Variants in WWOX observed in about 807,000 individuals in gnomAD.
WWOX encodes the protein WW domain containing oxidoreductase.
WWOX carries 69 observed loss-of-function variants against 46.2 expected under a neutral mutation model. That is an observed-to-expected ratio of 1.49 (90% CI 1.23 to 1.82). The LOEUF (loss-of-function observed/expected upper bound fraction) is 1.82. Ranked by LOEUF, WWOX falls within the 40% of genes most tolerant of loss-of-function variation. WWOX has a pLI of 0.00. For synonymous variants in WWOX, 359 were observed against 202.6 expected (o/e 1.77, Z -6.56); for missense variants, 919 against 542.6 (o/e 1.69, Z -6.89).
intron 5 of WWOX, among the ~76,000 whole-genome samples, chr16:78,329,187 GAAACAGTT>G (rs1326996722): frequency 6.6e-6 from 1 of 152,094 alleles, no homozygotes; most frequent in Non-Finnish European, 1.5e-5. Context: ...ATTATCATAA[GAAACAGTT>G]AAAGTGAAAT....
intron 4 of WWOX, among the ~76,000 whole-genome samples, chr16:78,154,084 G>A (rs1178514134): frequency 6.6e-6 from 1 of 152,132 alleles, no homozygotes; most frequent in Non-Finnish European, 1.5e-5. Context: ...TTCTCCCTTT[G>A]TGTTCCCTGT....
intron 8 of WWOX, among the ~76,000 whole-genome samples, chr16:78,486,489 T>G (rs927480594): frequency 6.6e-6 from 1 of 152,232 alleles, no homozygotes; most frequent in Non-Finnish European, 1.5e-5. Context: ...CCTGATAGTT[T>G]AGCAGTGTGC....
chr16:78,484,785 G>C (rs16947696), intron 8 of WWOX, among the ~76,000 whole-genome samples: 4,890 of 152,264 alleles, frequency 0.032, 132 homozygotes, highest in African/African-American at 0.075. Context: ...GATTGAGTTT[G>C]CGGAAGCTGT....
At chr16:78,753,475 A>G (rs753294786) in intron 8 of WWOX, among the ~76,000 whole-genome samples, 9 of 152,080 alleles carry the variant, frequency 5.9e-5, no homozygotes, top group Admixed American at 2.0e-4. Flanking sequence ...AGCAAATATT[A>G]CTGCAGAGTT....
rs1289883829 is a variant in WWOX at position 78,350,712 on chromosome 16, T to C, written c.517-36148T>C. On this transcript the variant is annotated intron_variant, in intron 5 of 8. Coordinates refer to ENST00000566780, the MANE Select transcript of WWOX (RefSeq NM_016373.4). ...TCTATGCATTCAGTTCACGGACATGTAGGTTGTTTCCACATTTTGGCTATT... is the reference window on the plus strand; with the variant it reads ...TCTATGCATTCAGTTCACGGACATGCAGGTTGTTTCCACATTTTGGCTATT... Among the ~76,000 whole-genome samples, 2 of 121,412 alleles carry C rather than the reference T, an allele frequency of 1.6e-5. 1 individual carries two copies. The highest frequency in any genetic ancestry group is 3.9e-5 in the Non-Finnish European group (2 of 50,780). 79.7% of individuals were successfully genotyped at this position (121,412 alleles called of 152,430 possible).
rs1395773077 is a variant in WWOX, at chr16:78,925,050, C to G, written c.1057-286558C>G. Among the ~76,000 whole-genome samples, 9 of 152,166 alleles carry G rather than the reference C, an allele frequency of 5.9e-5. 1 individual carries two copies. The highest frequency in any genetic ancestry group is 4.2e-4 in the South Asian group (2 of 4,816). On this transcript the variant is annotated intron_variant, in intron 8 of 8. Coordinates refer to ENST00000566780, the MANE Select transcript of WWOX (RefSeq NM_016373.4). ...TCTCTACAAAAAATAAAAAAGTTAG[C>G]CAGGCATGGTGGTGTGTGCCTGTAG...
chr16:78,419,954 T>C (rs1260817916), intron 6 of WWOX, among the ~76,000 whole-genome samples: 1 of 152,096 alleles, frequency 6.6e-6, no homozygotes, highest in African/African-American at 2.4e-5. Flanking sequence ...AAAACTCATT[T>C]AAAAAATGAG....
intron 8 of WWOX, among the ~76,000 whole-genome samples, chr16:78,939,562 A>T (rs1406988820): frequency 2.0e-5 from 3 of 152,234 alleles, no homozygotes; most frequent in Non-Finnish European, 4.4e-5. Context: ...GCAAATAAAG[A>T]GGGCTGATTT....
rs1477025120 is a variant in WWOX, at chr16:78,644,731, G to A, written c.1056+211979G>A. On this transcript the variant is annotated intron_variant, in intron 8 of 8. Coordinates refer to ENST00000566780, the MANE Select transcript of WWOX (RefSeq NM_016373.4). The stretch of plus-strand genomic sequence containing the variant: ...GCCCGCCTTTGCCTCCCAAAGTGCT[G>A]GGATTACAGGCGTGAGCCACTGTGC... Among the ~76,000 whole-genome samples the A allele has an allele frequency of 4.6e-5, 7 of 152,306 alleles. No individual in the cohort carries two copies. The East Asian group carries it at 1.4e-3, about 29-fold the overall frequency.
At chr16:79,004,027 G>C (rs1451964768) in intron 8 of WWOX, 8 of 152,298 alleles carry the variant, frequency 5.3e-5, no homozygotes, top group Admixed American at 5.2e-4. Flanking sequence ...TCTACTGCAA[G>C]TGTCACTTGG....
At chr16:78,293,978 GAAA>G (rs35079271) in intron 5 of WWOX, among the ~76,000 whole-genome samples, 4 of 30,324 alleles carry the variant, frequency 1.3e-4, no homozygotes, top group Admixed American at 4.9e-4. Flanking sequence ...CTCTGTCTCA[GAAA>G]AAAAAAAAAA....
At chr16:79,056,365 G>A (rs1168835631) in intron 8 of WWOX, among the ~76,000 whole-genome samples, 2 of 152,222 alleles carry the variant, frequency 1.3e-5, no homozygotes, top group South Asian at 2.1e-4. Context: ...AATACATGGA[G>A]GAGTTACCTT....
At chr16:78,685,075 C>T (rs1372275605) in intron 8 of WWOX, among the ~76,000 whole-genome samples, 7 of 152,186 alleles carry the variant, frequency 4.6e-5, no homozygotes, top group Admixed American at 1.3e-4. Context: ...ATCGTCCACC[C>T]TCTGAGATCT....
chr16:78,408,053 G>C (rs549721955), intron 6 of WWOX, among the ~76,000 whole-genome samples: 45 of 152,246 alleles, frequency 3.0e-4, no homozygotes, highest in African/African-American at 1.1e-3. Context: ...GGTGAGAGTG[G>C]CAGGAGGCAG....
At chr16:78,937,822 T>A (rs2045773165) in intron 8 of WWOX, among the ~76,000 whole-genome samples, 1 of 151,930 alleles carries the variant, frequency 6.6e-6, no homozygotes, top group South Asian at 2.1e-4. Context: ...GAGGTCTGTT[T>A]TTACTATGTT....
intron 8 of WWOX, among the ~76,000 whole-genome samples, chr16:79,031,832 T>C (rs1186724858): frequency 3.5e-5 from 2 of 57,942 alleles, no homozygotes; most frequent in Non-Finnish European, 9.0e-5. Flanking sequence ...CTATATATGA[T>C]ATATATATCT....
chr16:79,193,330 C>G (rs2051174105), intron 8 of WWOX, among the ~76,000 whole-genome samples: 1 of 152,224 alleles, frequency 6.6e-6, no homozygotes, highest in Non-Finnish European at 1.5e-5. Context: ...CACAGAAGAT[C>G]TCAGCACTAA....
chr16:78,311,219 C>G (rs1187293069), intron 5 of WWOX, among the ~76,000 whole-genome samples: 2 of 152,132 alleles, frequency 1.3e-5, no homozygotes, highest in African/African-American at 2.4e-5. Context: ...TGTGGTTGGA[C>G]TGGTTGGTTT....
intron 8 of WWOX, among the ~76,000 whole-genome samples, chr16:78,786,562 C>G (rs1333845966): frequency 6.6e-6 from 1 of 152,074 alleles, no homozygotes; most frequent in East Asian, 1.9e-4. Flanking sequence ...AGATGTATTT[C>G]ATACACTTTC....
Sources: gnomAD v4.1 joint callset for allele counts (sites outside exome capture counted in the v4.1 genomes callset) on GRCh38, gnomAD v4.1.1 for gene constraint, MANE v1.5 for transcripts, NCBI Gene and HGNC (gene_info 2026-07-23, HGNC 2026-07-21) for gene names.